PDE3B: variants seen among roughly 807,000 people sequenced by gnomAD.
The protein encoded by PDE3B is phosphodiesterase 3B.
A neutral mutation model predicts 116.8 loss-of-function variants in PDE3B; 66 were observed. The observed-to-expected ratio is 0.56, with a 90% confidence interval of 0.46 to 0.69. The LOEUF is 0.69. Ranked by LOEUF, PDE3B falls within the 30% of genes least tolerant of loss-of-function variation. PDE3B has a pLI of 0.00. For synonymous variants in PDE3B, 595 were observed against 533.6 expected (o/e 1.12, Z -1.59); for missense variants, 1,384 against 1,368.1 (o/e 1.01, Z -0.18).
the PDE3B span, among the ~76,000 whole-genome samples, chr11:14,896,217 G>C: frequency 6.6e-6 from 1 of 152,122 alleles, no homozygotes; most frequent in Non-Finnish European, 1.5e-5. Flanking sequence ...AACACTTCAT[G>C]ATCTTGTTGA....
intron 1 of PDE3B, among the ~76,000 whole-genome samples, chr11:14,713,742 T>C (rs1192244612): frequency 6.6e-6 from 1 of 151,616 alleles, no homozygotes; most frequent in Non-Finnish European, 1.5e-5. Context: ...ACACATACTA[T>C]TGTTTCTGTT....
At chr11:14,759,486 G>T (rs953603170) in intron 1 of PDE3B, among the ~76,000 whole-genome samples, 1 of 150,732 alleles carries the variant, frequency 6.6e-6, no homozygotes, top group African/African-American at 2.4e-5. Flanking sequence ...TAGTAGTTCA[G>T]TTCTAAATTG....
At chr11:14,767,912 G>A (rs984867666) in intron 1 of PDE3B, among the ~76,000 whole-genome samples, 5 of 149,512 alleles carry the variant, frequency 3.3e-5, no homozygotes, top group Admixed American at 6.7e-5. Context: ...TATTTTTTTC[G>A]TGTATACATA....
At chr11:14,675,988 A>G (rs922024595) in intron 1 of PDE3B, among the ~76,000 whole-genome samples, 1 of 152,160 alleles carries the variant, frequency 6.6e-6, no homozygotes, top group African/African-American at 2.4e-5. Context: ...TGTACCATTT[A>G]CACTCCTACC....
chr11:14,786,548 C>A lies in PDE3B; in HGVS notation c.1141C>A (p.Arg381=). 6.2e-7 allele frequency: 1 copy of A among 1,613,212 alleles called. No individual in the cohort carries two copies. The highest frequency in any genetic ancestry group is 1.1e-5 in the South Asian group (1 of 91,062). The change falls in exon 3 of 16, where the codon CGG becomes AGG. Residue 381 remains arginine (R), a synonymous_variant. Transcript: ENST00000282096. ...SLPPQVISSL[R]SISSLMGAFS... is the part of the protein sequence containing the mutation. ...TCCACCACAAGTCATTTCCTCTCTA[C>A]GGAGTATTAGTAGCTTAATGGGTGC...
intron 1 of PDE3B, among the ~76,000 whole-genome samples, chr11:14,769,167 T>G (rs1215110086): frequency 6.6e-6 from 1 of 151,402 alleles, no homozygotes; most frequent in African/African-American, 2.4e-5. Flanking sequence ...GAGAGAAAAC[T>G]ATGATAATGG....
At chr11:14,783,881 A>C (rs980974932) in intron 2 of PDE3B, among the ~76,000 whole-genome samples, 2 of 152,230 alleles carry the variant, frequency 1.3e-5, no homozygotes, top group African/African-American at 2.4e-5. Context: ...AGGCGTCACC[A>C]ACCAGTACCG....
downstream of PDE3B, among the ~76,000 whole-genome samples, chr11:14,873,130 A>G (rs117183178): frequency 2.9e-3 from 443 of 152,322 alleles, no homozygotes; most frequent in Middle Eastern, 0.01. Context: ...ATAATCAAGG[A>G]AGTCCCCTCT....
chr11:14,823,809 C>T (rs2133955169), intron 7 of PDE3B, among the ~76,000 whole-genome samples: 1 of 152,276 alleles, frequency 6.6e-6, no homozygotes, highest in Middle Eastern at 3.4e-3. Flanking sequence ...TTGTTTGTTA[C>T]TTGGGTTTCC....
chr11:14,651,277 C>T (rs984429561), intron 1 of PDE3B, among the ~76,000 whole-genome samples: 1 of 152,144 alleles, frequency 6.6e-6, no homozygotes, highest in Non-Finnish European at 1.5e-5. Flanking sequence ...TTCCCTGTAC[C>T]TGTCTTTGTT....
At chr11:14,718,588 A>G (rs1855989262) in intron 1 of PDE3B, among the ~76,000 whole-genome samples, 1 of 149,832 alleles carries the variant, frequency 6.7e-6, no homozygotes, top group Non-Finnish European at 1.5e-5. Flanking sequence ...ACCACAGTGC[A>G]ATCAAACTAG....
chr11:14,885,811 C>G, the PDE3B span: 1 of 1,613,260 alleles, frequency 6.2e-7, no homozygotes, highest in Non-Finnish European at 8.5e-7. Context: ...TAAAGGAAGG[C>G]ATGGTCTGTC....
intron 1 of PDE3B, among the ~76,000 whole-genome samples, chr11:14,688,798 CAGTCTT>C (rs887815524): frequency 6.6e-6 from 1 of 152,002 alleles, no homozygotes; most frequent in Non-Finnish European, 1.5e-5. Context: ...TGTTTTGAGA[CAGTCTT>C]CTCTGTCACC....
intron 1 of PDE3B, among the ~76,000 whole-genome samples, chr11:14,758,995 C>G (rs540853622): frequency 2.0e-5 from 3 of 151,964 alleles, no homozygotes; most frequent in Non-Finnish European, 2.9e-5. Flanking sequence ...TGAATTTTGT[C>G]AAAGGCTTTT....
chr11:14,698,139 A>G (rs1855264483), intron 1 of PDE3B, among the ~76,000 whole-genome samples: 1 of 151,762 alleles, frequency 6.6e-6, no homozygotes, highest in East Asian at 1.9e-4. Context: ...GTTTGTGTGT[A>G]TGTGTGTGTA....
intron 1 of PDE3B, among the ~76,000 whole-genome samples, chr11:14,661,273 T>C (rs996336933): frequency 7.2e-5 from 11 of 152,218 alleles, no homozygotes. Flanking sequence ...CCAAGCCAAA[T>C]GTCCAACAAT....
At chr11:14,664,890 A>G (rs988874480) in intron 1 of PDE3B, among the ~76,000 whole-genome samples, 38 of 152,320 alleles carry the variant, frequency 2.5e-4, no homozygotes, top group African/African-American at 8.4e-4. Flanking sequence ...CAATAGAAAA[A>G]GAGGGAATCC....
the PDE3B span, chr11:14,892,131 T>C: frequency 2.5e-6 from 4 of 1,611,572 alleles, no homozygotes; most frequent in East Asian, 4.5e-5. Context: ...GGCGGACCCC[T>C]AGCGCGAAGA....
chr11:14,674,563 T>C (rs1854474136), intron 1 of PDE3B: 2 of 380,372 alleles, frequency 5.3e-6, no homozygotes, highest in Non-Finnish European at 1.1e-5. Flanking sequence ...CATTTATAAG[T>C]GATTTGCTGT....
Sources: allele counts gnomAD v4.1 joint callset (sites outside exome capture counted in the v4.1 genomes callset), GRCh38; gene constraint gnomAD v4.1.1; transcripts MANE v1.5; gene names NCBI Gene and HGNC (gene_info 2026-07-23, HGNC 2026-07-21).